LRRC8D: variants seen among roughly 807,000 people sequenced by gnomAD.
The protein encoded by LRRC8D is leucine rich repeat containing 8 VRAC subunit D, also known as volume-regulated anion channel subunit LRRC8D.
A neutral mutation model predicts 55.8 loss-of-function variants in LRRC8D; 20 were observed. The ratio of observed to expected loss-of-function variants is 0.36; its 90% CI spans 0.25 to 0.52. The LOEUF is 0.52. Among genes scored for constraint, LRRC8D ranks in the 20% least tolerant of loss-of-function variants. LRRC8D has a pLI of 0.93. For missense variants in LRRC8D, 651 were observed against 1,030.8 expected (o/e 0.63, Z 5.05); for synonymous variants, 352 against 377.0 (o/e 0.93, Z 0.77).
chr1:89,888,648 G>A lies in LRRC8D; in HGVS notation c.-2-44419G>A, dbSNP rs537736030. On this transcript the variant is annotated intron_variant, in intron 2 of 2. Transcript: ENST00000337338. ...AAGCCACCAGGTCTCCTGGCCGAAT[G>A]ACAGATTCCAGATTCTAGAGCGGGG... Among the ~76,000 whole-genome samples the A allele has an allele frequency of 5.3e-5, 8 of 152,262 alleles. No homozygotes were observed. In the South Asian group the frequency reaches 1.7e-3, roughly 32 times the overall value.
intron 1 of LRRC8D, chr1:89,843,198 T>C (rs1238767012): frequency 6.5e-6 from 1 of 154,782 alleles, no homozygotes; most frequent in East Asian, 1.9e-4. Context: ...CTCAGTCTTG[T>C]CTTTACACCT....
chr1:89,919,592 C>T (rs1269766967), intron 2 of LRRC8D, among the ~76,000 whole-genome samples: 2 of 152,154 alleles, frequency 1.3e-5, no homozygotes, highest in African/African-American at 4.8e-5. Flanking sequence ...GCAAGCAAAG[C>T]TCCCATTACA....
At chr1:89,850,817 C>G (rs1187256670) in intron 2 of LRRC8D, among the ~76,000 whole-genome samples, 2 of 152,076 alleles carry the variant, frequency 1.3e-5, no homozygotes, top group Non-Finnish European at 2.9e-5. Context: ...ATTTATATAA[C>G]TTGACCTTAT....
chr1:89,898,385 T>C (rs191457307), intron 2 of LRRC8D, among the ~76,000 whole-genome samples: 3 of 152,306 alleles, frequency 2.0e-5, no homozygotes, highest in Admixed American at 2.0e-4. Context: ...TCTCACAATG[T>C]TCCAGATATT....
At chr1:89,835,557 A>G (rs950362635) in intron 1 of LRRC8D, among the ~76,000 whole-genome samples, 1 of 152,076 alleles carries the variant, frequency 6.6e-6, no homozygotes, top group African/African-American at 2.4e-5. Context: ...AAGGCAGAGG[A>G]ATATATGGGA....
intron 2 of LRRC8D, among the ~76,000 whole-genome samples, chr1:89,922,285 G>A (rs1485345550): frequency 6.6e-6 from 1 of 151,980 alleles, no homozygotes; most frequent in East Asian, 1.9e-4. Context: ...GGCTGGTCTC[G>A]AGCTCCTGAC....
chr1:89,840,556 A>G (rs1661109529), intron 1 of LRRC8D, among the ~76,000 whole-genome samples: 1 of 152,202 alleles, frequency 6.6e-6, no homozygotes, highest in African/African-American at 2.4e-5. Flanking sequence ...TTGGGTGTGG[A>G]CATAGCAGCA....
intron 2 of LRRC8D, among the ~76,000 whole-genome samples, chr1:89,919,470 G>A (rs1663356861): frequency 6.6e-6 from 1 of 152,174 alleles, no homozygotes; most frequent in Non-Finnish European, 1.5e-5. Context: ...TGCTATGCCA[G>A]GTATATGCTA....
chr1:89,827,194 TA>T (rs1332259303), intron 1 of LRRC8D, among the ~76,000 whole-genome samples: 1 of 151,706 alleles, frequency 6.6e-6, no homozygotes, highest in Non-Finnish European at 1.5e-5. Flanking sequence ...CTACTAAAAA[TA>T]AAAAAATTAG....
rs150913864 is a variant in LRRC8D, at chr1:89,865,374, T to C, written c.-3+21592T>C. Among the ~76,000 whole-genome samples the C allele has an allele frequency of 7.4e-3, 1,098 of 148,670 alleles. 11 individuals are homozygous for C. The highest frequency in any genetic ancestry group is 0.026 in the African/African-American group (1,061 of 41,012). On this transcript the variant is annotated intron_variant, in intron 2 of 2. Coordinates refer to ENST00000337338, the MANE Select transcript of LRRC8D (RefSeq NM_001134479.2). Reference sequence around the variant, plus strand: ...TATATATATATACTTTCTGTGCTTATAGTTTTTATAAAACTATTAAACATT... The same window carrying C: ...TATATATATATACTTTCTGTGCTTACAGTTTTTATAAAACTATTAAACATT...
At chr1:89,851,735 C>G (rs1483282605) in intron 2 of LRRC8D, among the ~76,000 whole-genome samples, 1 of 152,068 alleles carries the variant, frequency 6.6e-6, no homozygotes, top group African/African-American at 2.4e-5. Flanking sequence ...GTCTCAAACT[C>G]CTGAGCTCAG....
At chr1:89,920,836 G>A (rs1444099870) in intron 2 of LRRC8D, among the ~76,000 whole-genome samples, 1 of 151,940 alleles carries the variant, frequency 6.6e-6, no homozygotes, top group East Asian at 1.9e-4. Context: ...ATACACATAT[G>A]TGCTTACGTG....
At chr1:89,895,182 A>T (rs1177338192) in intron 2 of LRRC8D, among the ~76,000 whole-genome samples, 3 of 152,262 alleles carry the variant, frequency 2.0e-5, no homozygotes, top group Admixed American at 1.3e-4. Flanking sequence ...TACTGGGAAC[A>T]CATGCAGGAC....
chr1:89,871,159 C>T (rs139102674), intron 2 of LRRC8D, among the ~76,000 whole-genome samples: 3 of 152,292 alleles, frequency 2.0e-5, no homozygotes, highest in East Asian at 1.9e-4. Context: ...CTAGAAGGTA[C>T]AGACTCCCCG....
intron 2 of LRRC8D, among the ~76,000 whole-genome samples, chr1:89,874,443 T>TTGTG (rs36202085): frequency 0.049 from 7,172 of 146,314 alleles, 225 homozygotes; most frequent in Non-Finnish European, 0.073. Flanking sequence ...AAGAAACTAT[T>TTGTG]TGTGTGTGTG....
At chr1:89,887,924 G>T (rs1013078285) in intron 2 of LRRC8D, among the ~76,000 whole-genome samples, 1 of 152,150 alleles carries the variant, frequency 6.6e-6, no homozygotes, top group Non-Finnish European at 1.5e-5. Flanking sequence ...AAGAGGGGTG[G>T]ACTGATCATA....
At chr1:89,839,097 A>G (rs1661072071) in intron 1 of LRRC8D, among the ~76,000 whole-genome samples, 1 of 152,202 alleles carries the variant, frequency 6.6e-6, no homozygotes, top group Non-Finnish European at 1.5e-5. Context: ...CAATTAAAAG[A>G]AGGAAGAACA....
chr1:89,887,728 G>C (rs1421425063), intron 2 of LRRC8D, among the ~76,000 whole-genome samples: 1 of 152,026 alleles, frequency 6.6e-6, no homozygotes, highest in Non-Finnish European at 1.5e-5. Flanking sequence ...ATCCTGTATA[G>C]TATCCTCTTA....
intron 1 of LRRC8D, among the ~76,000 whole-genome samples, chr1:89,823,706 G>A (rs1021920774): frequency 6.6e-6 from 1 of 152,184 alleles, no homozygotes; most frequent in African/African-American, 2.4e-5. Flanking sequence ...GGTGCTGTGG[G>A]ATCTTAACAA....
Sources: gnomAD v4.1 joint callset for allele counts (sites outside exome capture counted in the v4.1 genomes callset) on GRCh38, gnomAD v4.1.1 for gene constraint, MANE v1.5 for transcripts, NCBI Gene and HGNC (gene_info 2026-07-23, HGNC 2026-07-21) for gene names.